The following POLR2F variants were observed in gnomAD, a reference collection of about 807,000 sequenced individuals.
POLR2F encodes the protein RNA polymerase II, I and III subunit F.
A neutral mutation model predicts 22.7 loss-of-function variants in POLR2F; 12 were observed. The observed-to-expected ratio is 0.53, with a 90% CI of 0.34 to 0.86. The LOEUF (loss-of-function observed/expected upper bound fraction) is 0.86. Among genes scored for constraint, POLR2F ranks in the 40% least tolerant of loss-of-function variants. The probability of loss-of-function intolerance (pLI) is 0.02; values close to 1 mark genes in which losing one functional copy is unlikely to be tolerated. For synonymous variants in POLR2F, 57 were observed against 66.0 expected (o/e 0.86, Z 0.66); for missense variants, 126 against 171.5 (o/e 0.73, Z 1.48).
intron 1 of POLR2F, among the ~76,000 whole-genome samples, chr22:38,021,512 A>G (rs762911103): frequency 6.6e-6 from 1 of 152,168 alleles, no homozygotes. Context: ...GTTGGAGTAC[A>G]GTGACGCGAT....
chr22:37,957,379 A>C (rs1228952352), intron 2 of POLR2F, among the ~76,000 whole-genome samples: 1 of 152,160 alleles, frequency 6.6e-6, no homozygotes, highest in African/African-American at 2.4e-5. Context: ...CTGGTAGTGC[A>C]GGTGATGAGA....
chr22:37,991,423 T>C (rs972081761), intron 1 of POLR2F, among the ~76,000 whole-genome samples: 1 of 152,202 alleles, frequency 6.6e-6, no homozygotes, highest in Admixed American at 6.5e-5. Flanking sequence ...CTGGCCACCA[T>C]TATTTAAAAC....
At chr22:38,038,603 T>G (rs949675306) in intron 5 of POLR2F, among the ~76,000 whole-genome samples, 1 of 151,934 alleles carries the variant, frequency 6.6e-6, no homozygotes, top group East Asian at 1.9e-4. Flanking sequence ...TCTCTCCCTG[T>G]CTCTCTCTGC....
chr22:38,002,505 T>G (rs2084780632), intron 1 of POLR2F, among the ~76,000 whole-genome samples: 1 of 152,130 alleles, frequency 6.6e-6, no homozygotes, highest in Admixed American at 6.6e-5. Flanking sequence ...CCTGAGTAGC[T>G]GGGATTACAG....
intron 1 of POLR2F, among the ~76,000 whole-genome samples, chr22:38,007,051 G>C (rs1320984491): frequency 2.0e-5 from 3 of 152,202 alleles, no homozygotes; most frequent in African/African-American, 7.2e-5. Flanking sequence ...GAATTGAGCT[G>C]AGAGGCCTGG....
At chr22:37,956,402 T>A (rs78787985) in intron 1 of POLR2F, among the ~76,000 whole-genome samples, 1 of 133,966 alleles carries the variant, frequency 7.5e-6, no homozygotes, top group Non-Finnish European at 1.5e-5. Context: ...GGCCTCTGAA[T>A]TTTTTTTTTT....
In POLR2F at chr22:38,037,305, ACT is replaced by A. The variant is rs2085125766; in HGVS notation, c.453-3760_453-3759del. 2.7e-5 allele frequency among the ~76,000 whole-genome samples: 4 copies of A among 150,744 alleles called. No individual in the cohort carries two copies. In the Middle Eastern group the frequency reaches 0.014, roughly 513 times the overall value. On this transcript the variant is annotated intron_variant, in intron 5 of 5. Coordinates refer to the POLR2F transcript ENST00000407936. ...CATGTTATTTTTGAGACAAGGTGTCACTCTGTCTTCCAGGCCAGAGTGCAGTG... is the reference window on the plus strand; with the variant it reads ...CATGTTATTTTTGAGACAAGGTGTCACTGTCTTCCAGGCCAGAGTGCAGTG...
intron 1 of POLR2F, among the ~76,000 whole-genome samples, chr22:37,955,938 G>A (rs1459671600): frequency 1.3e-5 from 2 of 151,916 alleles, no homozygotes; most frequent in African/African-American, 4.8e-5. Flanking sequence ...ACCCACCTCG[G>A]CCTCTCAAAG....
At chr22:38,037,823 C>T (rs951393843) in intron 5 of POLR2F, among the ~76,000 whole-genome samples, 1 of 152,184 alleles carries the variant, frequency 6.6e-6, no homozygotes, top group Non-Finnish European at 1.5e-5. Context: ...GATCTCCTGA[C>T]CTCGTGATCC....
chr22:37,981,419 T>C (rs981806029), upstream of POLR2F, among the ~76,000 whole-genome samples: 8 of 152,192 alleles, frequency 5.3e-5, no homozygotes, highest in African/African-American at 1.7e-4. Flanking sequence ...TAGTGCCAGT[T>C]TTCCTGACTG....
intron 5 of POLR2F, among the ~76,000 whole-genome samples, chr22:38,040,104 G>A (rs992827493): frequency 2.6e-5 from 4 of 151,820 alleles, no homozygotes; most frequent in Admixed American, 2.0e-4. Context: ...GGGAGACTCT[G>A]TCTCTACAAA....
At chr22:37,973,885 T>C, downstream of POLR2F, 1 of 1,610,274 alleles carries the variant, frequency 6.2e-7, no homozygotes, top group South Asian at 1.1e-5. Flanking sequence ...CCACGCCTGG[T>C]GGCTTGGAGA....
intron 4 of POLR2F, among the ~76,000 whole-genome samples, chr22:37,979,508 A>AG (rs1428290410): frequency 6.7e-6 from 1 of 149,924 alleles, no homozygotes; most frequent in Non-Finnish European, 1.5e-5. Flanking sequence ...GGTGGGACTG[A>AG]GGGGGCAGAT....
downstream of POLR2F, among the ~76,000 whole-genome samples, chr22:37,970,341 G>A (rs181849465): frequency 3.0e-3 from 438 of 148,296 alleles, 2 homozygotes; most frequent in African/African-American, 0.01. Context: ...GGTGGCTTAC[G>A]CCTGTAATCC....
chr22:37,959,767 A>C (rs1187050528), intron 3 of POLR2F, among the ~76,000 whole-genome samples: 1 of 151,130 alleles, frequency 6.6e-6, no homozygotes, highest in Non-Finnish European at 1.5e-5. Flanking sequence ...TAGTGCAGCA[A>C]AAAAGGTGAA....
At chr22:38,009,985 AT>A (rs2084856929) in intron 1 of POLR2F, among the ~76,000 whole-genome samples, 1 of 152,220 alleles carries the variant, frequency 6.6e-6, no homozygotes, top group African/African-American at 2.4e-5. Flanking sequence ...ATGAACATTC[AT>A]GTACAAGTTG....
chr22:38,036,870 CT>C (rs1406673133), intron 5 of POLR2F, among the ~76,000 whole-genome samples: 1 of 152,134 alleles, frequency 6.6e-6, no homozygotes, highest in African/African-American at 2.4e-5. Flanking sequence ...CCTCTCAGGC[CT>C]TTTGTGCTGT....
At chr22:37,987,411 C>T (rs1468044843) in intron 1 of POLR2F, 1 of 403,276 alleles carries the variant, frequency 2.5e-6, no homozygotes, top group Non-Finnish European at 5.0e-6. Context: ...CAGCAGTGAC[C>T]CTTCACCCCC....
intron 4 of POLR2F, 111 bp downstream of exon 4, chr22:37,967,281 T>G: frequency 1.3e-6 from 2 of 1,555,858 alleles, no homozygotes; most frequent in Non-Finnish European, 1.7e-6. Flanking sequence ...TGATGCTTAT[T>G]CCTACAGATC....
Sources: allele counts gnomAD v4.1 joint callset (sites outside exome capture counted in the v4.1 genomes callset), GRCh38; gene constraint gnomAD v4.1.1; transcripts MANE v1.5; gene names NCBI Gene and HGNC (gene_info 2026-07-23, HGNC 2026-07-21).